The following TTC28 variants were observed in gnomAD, a reference collection of about 807,000 sequenced individuals.
TTC28 encodes tetratricopeptide repeat domain 28, also known as tetratricopeptide repeat protein 28.
In TTC28, 61 loss-of-function variants were observed where a neutral mutation model predicts 198.0. That is an observed-to-expected ratio of 0.31 (90% CI 0.25 to 0.38). The LOEUF (loss-of-function observed/expected upper bound fraction) is 0.38. Ranked by LOEUF, TTC28 falls within the 10% of genes least tolerant of loss-of-function variation. TTC28 has a pLI of 1.00. For missense variants in TTC28, 2,678 were observed against 3,164.0 expected (o/e 0.85, Z 3.69); for synonymous variants, 1,171 against 1,297.8 (o/e 0.90, Z 2.10).
At chr22:28,549,710 C>T (rs572147373) in intron 2 of TTC28, among the ~76,000 whole-genome samples, 1 of 152,238 alleles carries the variant, frequency 6.6e-6, no homozygotes, top group East Asian at 1.9e-4. Flanking sequence ...TAGGTTAGAT[C>T]CCTTTTCAAA....
At chr22:28,146,727 C>G (rs151249803) in intron 6 of TTC28, among the ~76,000 whole-genome samples, 1 of 152,146 alleles carries the variant, frequency 6.6e-6, no homozygotes, top group Non-Finnish European at 1.5e-5. Context: ...CCATTTGAAT[C>G]AGGGAAACAA....
chr22:28,269,191 C>G (rs1642887179), intron 5 of TTC28, among the ~76,000 whole-genome samples: 1 of 151,842 alleles, frequency 6.6e-6, no homozygotes, highest in African/African-American at 2.4e-5. Context: ...CAGGAGGTGT[C>G]TAGAGGCCCA....
At chr22:28,613,344 A>C (rs2050851300) in intron 2 of TTC28, among the ~76,000 whole-genome samples, 2 of 152,218 alleles carry the variant, frequency 1.3e-5, no homozygotes, top group South Asian at 4.1e-4. Context: ...GACCAGATGG[A>C]TTCACAGCCA....
chr22:27,985,096 CTCCTGAATAG>C (rs1382454258), intron 22 of TTC28, among the ~76,000 whole-genome samples, 143 bp downstream of exon 22: 1 of 152,220 alleles, frequency 6.6e-6, no homozygotes, highest in East Asian at 1.9e-4. Context: ...TTGTTTCCTG[CTCCTGAATAG>C]TCCCTAACTG....
At chr22:28,070,184 T>C (rs945601483) in intron 12 of TTC28, among the ~76,000 whole-genome samples, 1 of 152,222 alleles carries the variant, frequency 6.6e-6, no homozygotes, top group African/African-American at 2.4e-5. Flanking sequence ...TCAATGAATA[T>C]TCCCTGAGGC....
At chr22:28,472,355 C>A (rs1461812560) in intron 2 of TTC28, among the ~76,000 whole-genome samples, 2 of 151,982 alleles carry the variant, frequency 1.3e-5, no homozygotes, top group South Asian at 2.1e-4. Flanking sequence ...GAGTTATGAA[C>A]CTTAAGCGGT....
At chr22:28,545,701 TA>T (rs1199958191) in intron 2 of TTC28, among the ~76,000 whole-genome samples, 1 of 152,160 alleles carries the variant, frequency 6.6e-6, no homozygotes, top group Non-Finnish European at 1.5e-5. Context: ...ATTGGATATT[TA>T]AATTTAAAAA....
intron 2 of TTC28, among the ~76,000 whole-genome samples, chr22:28,475,700 A>C (rs965372803): frequency 6.6e-6 from 1 of 152,224 alleles, no homozygotes; most frequent in Non-Finnish European, 1.5e-5. Context: ...ATACTGAATA[A>C]ATGACAAATT....
intron 5 of TTC28, among the ~76,000 whole-genome samples, chr22:28,207,032 A>C (rs1189314788): frequency 6.6e-6 from 1 of 152,140 alleles, no homozygotes; most frequent in Non-Finnish European, 1.5e-5. Context: ...TGTTATTAGG[A>C]AGGTAAATTT....
intron 2 of TTC28, among the ~76,000 whole-genome samples, chr22:28,461,649 G>C (rs1002499459): frequency 6.6e-6 from 1 of 151,934 alleles, no homozygotes; most frequent in Admixed American, 6.6e-5. Flanking sequence ...GGCTCGTCTC[G>C]AACTCCTGAC....
chr22:28,341,124 A>G (rs2045821777), intron 2 of TTC28, among the ~76,000 whole-genome samples: 1 of 152,276 alleles, frequency 6.6e-6, no homozygotes, highest in Admixed American at 6.5e-5. Context: ...TAAGGTCAAA[A>G]GAATACTGCC....
At chr22:28,389,115 T>A (rs1454493098) in intron 2 of TTC28, among the ~76,000 whole-genome samples, 2 of 152,206 alleles carry the variant, frequency 1.3e-5, no homozygotes, top group African/African-American at 4.8e-5. Context: ...GGTTTTTGTC[T>A]TTGGTTCTGT....
rs144358362 is a variant in TTC28, at chr22:28,214,842, T to C, written c.934-51243A>G. On this transcript the variant is annotated intron_variant, in intron 5 of 22. Transcript: ENST00000397906. ...AAAGACACATGCACACGTATGTTTA[T>C]TGTGGCACTATTCACAATAGCAAAG... is the stretch of plus-strand genomic sequence containing the variant. Among the ~76,000 whole-genome samples the C allele has an allele frequency of 4.1e-4, 62 of 152,344 alleles. No individual in the cohort carries two copies. In the East Asian group the frequency reaches 6.4e-3, roughly 16 times the overall value.
intron 2 of TTC28, among the ~76,000 whole-genome samples, chr22:28,562,517 G>A (rs533200190): frequency 3.9e-5 from 6 of 152,170 alleles, no homozygotes; most frequent in Admixed American, 6.5e-5. Context: ...AAGAACCACC[G>A]TAGAAGTGAA....
intron 5 of TTC28, among the ~76,000 whole-genome samples, chr22:28,286,570 G>A (rs981676112): frequency 6.6e-6 from 1 of 152,018 alleles, no homozygotes; most frequent in Non-Finnish European, 1.5e-5. Flanking sequence ...ACTTCAAACT[G>A]GTAACAGTGG....
rs763733242 is a variant in TTC28, at chr22:27,998,970, G to A, written c.4689C>T (p.Asp1563=). ...AGCTCTTGCTGCTGGCAGGGTTGCCGTCCATGCTGGGCGTGAGGACCAAGG... is the reference window on the plus strand; with the variant it reads ...AGCTCTTGCTGCTGGCAGGGTTGCCATCCATGCTGGGCGTGAGGACCAAGG... ...LSALVLTPSM[D]GNPASSKSSF... The change falls in exon 16 of 23, where the codon GAC becomes GAT. Residue 1563 remains aspartate (D), a synonymous_variant. Coordinates refer to ENST00000397906, the MANE Select transcript of TTC28 (RefSeq NM_001145418.2). 49 of 1,550,698 alleles carry A rather than the reference G, an allele frequency of 3.2e-5. 2 individuals are homozygous for A. The highest frequency in any genetic ancestry group is 2.0e-4 in the Admixed American group (10 of 51,012).
Position 28,527,848 on chromosome 22 carries a change from G to C in TTC28, c.381+101704C>G, listed in dbSNP as rs895034207. 3.3e-5 allele frequency among the ~76,000 whole-genome samples: 5 copies of C among 152,194 alleles called. No homozygotes were observed. In the East Asian group the frequency reaches 9.7e-4, roughly 29 times the overall value. ...GGGTCTCACCATGTTGCCCAGGCTG[G>C]TCTTGAACTCCTAGCCTCAAGTGAT... On this transcript the variant is annotated intron_variant, in intron 2 of 22. Coordinates refer to ENST00000397906, the MANE Select transcript of TTC28 (RefSeq NM_001145418.2).
chr22:28,095,336 C>G (rs1192546936), intron 11 of TTC28, among the ~76,000 whole-genome samples: 2 of 151,606 alleles, frequency 1.3e-5, no homozygotes, highest in Admixed American at 1.3e-4. Flanking sequence ...TGCTCAGAGC[C>G]TAAAAGCATC....
At chr22:28,122,996 G>A (rs1184066724) in intron 6 of TTC28, among the ~76,000 whole-genome samples, 1 of 152,162 alleles carries the variant, frequency 6.6e-6, no homozygotes, top group African/African-American at 2.4e-5. Context: ...GGGTATGAAG[G>A]ATGTAGACAA....
Sources: allele counts gnomAD v4.1 joint callset (sites outside exome capture counted in the v4.1 genomes callset), GRCh38; gene constraint gnomAD v4.1.1; transcripts MANE v1.5; gene names NCBI Gene and HGNC (gene_info 2026-07-23, HGNC 2026-07-21).